The following TAF15 variants were observed in gnomAD, a reference collection of about 807,000 sequenced individuals.
TAF15 encodes TATA-binding protein-associated factor 2N.
In TAF15, 37 loss-of-function variants were observed where a neutral mutation model predicts 102.5. That is an observed-to-expected ratio of 0.36 (90% CI 0.28 to 0.47). TAF15 has a LOEUF of 0.47. Ranked by LOEUF, TAF15 falls within the 20% of genes least tolerant of loss-of-function variation. The pLI is 0.99. For missense variants in TAF15, 652 were observed against 760.7 expected, an observed-to-expected ratio of 0.86 and a Z score of 1.68; for synonymous variants, 273 against 259.2, an observed-to-expected ratio of 1.05 and a Z score of -0.51.
chr17:35,846,559 C>G (rs2087625118), intron 15 of TAF15, among the ~76,000 whole-genome samples: 1 of 152,150 alleles, frequency 6.6e-6, no homozygotes, highest in Non-Finnish European at 1.5e-5. Flanking sequence ...GTGGCAGATC[C>G]AGAATTCATA....
At chr17:35,809,687 G>C (rs2087101329) in intron 1 of TAF15, 111 bp downstream of exon 1, 7 of 1,492,958 alleles carry the variant, frequency 4.7e-6, no homozygotes, top group Non-Finnish European at 6.5e-6. Context: ...CCCTGAGGGA[G>C]GCTTGGGGTG....
intron 9 of TAF15, among the ~76,000 whole-genome samples, chr17:35,834,893 G>GCGC (rs904602343): frequency 6.6e-6 from 1 of 151,760 alleles, no homozygotes. Flanking sequence ...CTACAGGTGC[G>GCGC]CGCCACCATG....
chr17:35,845,075 C>G, intron 15 of TAF15, 37 bp downstream of exon 15: 1 of 1,611,518 alleles, frequency 6.2e-7, no homozygotes, highest in South Asian at 1.1e-5. Flanking sequence ...CTTTTTACCT[C>G]ACTGCACCTA....
At chr17:35,820,921 G>GT (rs1370457681) in intron 5 of TAF15, among the ~76,000 whole-genome samples, 1 of 151,998 alleles carries the variant, frequency 6.6e-6, no homozygotes, top group Admixed American at 6.5e-5. Flanking sequence ...GTTTTATAAA[G>GT]TTTTTTTACC....
chr17:35,815,594 A>G (rs1408908106), intron 1 of TAF15, among the ~76,000 whole-genome samples: 1 of 152,218 alleles, frequency 6.6e-6, no homozygotes, highest in Non-Finnish European at 1.5e-5. Context: ...GAACCTAAAG[A>G]AAATATGCTG....
At position 35,822,577 on chromosome 17, in the gene TAF15, C is replaced by A. The variant is rs1044168062; in HGVS notation, c.291-63C>A. On this transcript the variant is annotated intron_variant, in intron 5 of 15. Coordinates refer to ENST00000605844, the MANE Select transcript of TAF15 (RefSeq NM_139215.3). The stretch of plus-strand genomic sequence containing the variant: ...TCAGGACTCTTAACATCAGTTTCAG[C>A]CAACTTGCTACAGCAAATGTAATCT... 17 of 1,523,676 alleles carry A rather than the reference C, an allele frequency of 1.1e-5. No homozygotes were observed. The African/African-American group carries it at 1.9e-4, about 17-fold the overall frequency. 94.4% of individuals were successfully genotyped at this position (1,523,676 alleles called of 1,614,324 possible). A position where few individuals can be genotyped will look rare whatever the true frequency, so the allele number is the denominator to read the frequency against.
At chr17:35,809,744 C>T (rs1385827105) in intron 1 of TAF15, 168 bp downstream of exon 1, 3 of 826,922 alleles carry the variant, frequency 3.6e-6, no homozygotes, top group Non-Finnish European at 5.8e-6. Flanking sequence ...GGCACGCACG[C>T]TCCCAATGGC....
chr17:35,820,376 T>C lies in TAF15; in HGVS notation c.229T>C (p.Ser77Pro). The C allele has an allele frequency of 6.2e-7, 1 of 1,613,982 alleles. No individual in the cohort carries two copies. Among genetic ancestry groups the C allele is most frequent in the Non-Finnish European group, 8.5e-7 (1 of 1,179,938 alleles). ...YGGYENQKQS[S>P]YSQQPYNNQG... is the part of the protein sequence containing the mutation. ...TGGTTATGAGAATCAAAAGCAGAGC[T>C]CATATAGCCAGCAACCATATAATAA... The change falls in exon 5 of 16, where the codon TCA becomes CCA. Residue 77 changes from serine to proline, a missense_variant. Physicochemically the swap from Ser to Pro is moderately conservative, Grantham distance 74 (BLOSUM62 -1). Coordinates refer to ENST00000605844, the MANE Select transcript of TAF15 (RefSeq NM_139215.3).
At chr17:35,844,016 C>A in intron 12 of TAF15, 61 bp from the exon 13 acceptor site, 1 of 1,432,784 alleles carries the variant, frequency 7.0e-7, no homozygotes, top group Non-Finnish European at 9.8e-7. Flanking sequence ...TTATCTGATG[C>A]TTTTCTTCTG....
At chr17:35,809,711 TGCC>T in intron 1 of TAF15, 135 bp downstream of exon 1, 3 of 1,221,784 alleles carry the variant, frequency 2.5e-6, no homozygotes, top group Non-Finnish European at 2.3e-6. Flanking sequence ...GGGCGGCCGC[TGCC>T]GCCGCCATGT....
At chr17:35,834,416 T>G (rs2087445081) in intron 8 of TAF15, 150 bp from the exon 9 acceptor site, 5 of 690,028 alleles carry the variant, frequency 7.2e-6, no homozygotes, top group Non-Finnish European at 1.2e-5. Context: ...AAAACATAAT[T>G]TATATATTTA....
At chr17:35,839,523 A>G (rs2087517504) in intron 11 of TAF15, among the ~76,000 whole-genome samples, 1 of 151,646 alleles carries the variant, frequency 6.6e-6, no homozygotes, top group East Asian at 1.9e-4. Context: ...CTGGGACTAC[A>G]GGCGCCCGCC....
intron 10 of TAF15, among the ~76,000 whole-genome samples, chr17:35,837,307 A>C (rs2143811447): frequency 6.6e-6 from 1 of 150,618 alleles, no homozygotes; most frequent in East Asian, 2.0e-4. Context: ...GCATGTCCTC[A>C]CACCCAGCTA....
intron 7 of TAF15, among the ~76,000 whole-genome samples, chr17:35,826,195 T>C (rs757574350): frequency 5.9e-5 from 9 of 152,214 alleles, no homozygotes; most frequent in Non-Finnish European, 1.3e-4. Flanking sequence ...TACAAAATCA[T>C]ATGCAGAAGT....
intron 15 of TAF15, among the ~76,000 whole-genome samples, chr17:35,846,053 G>A (rs549566179): frequency 5.3e-5 from 8 of 152,206 alleles, no homozygotes; most frequent in Non-Finnish European, 8.8e-5. Flanking sequence ...CACGAATGGT[G>A]TAGAGGCAGA....
At position 35,822,532 on chromosome 17, in the gene TAF15, T is replaced by TG; in HGVS notation, c.291-106dup. 3.1e-6 allele frequency: 3 copies of TG among 981,230 alleles called. No individual in the cohort carries two copies. In the South Asian group the frequency reaches 4.4e-5, roughly 14 times the overall value. 60.8% of individuals were successfully genotyped at this position (981,230 alleles called of 1,614,324 possible). ...TACCATGAGAAGGTAGTCATAAATA[T>TG]GGTTAATGTCTCTAACTGGTCAGGA... On this transcript the variant is annotated intron_variant, in intron 5 of 15. Coordinates refer to ENST00000605844, the MANE Select transcript of TAF15 (RefSeq NM_139215.3).
intron 6 of TAF15, 23 bp from the exon 7 acceptor site, chr17:35,824,055 G>T: frequency 6.2e-7 from 1 of 1,614,012 alleles, no homozygotes; most frequent in Non-Finnish European, 8.5e-7. Context: ...GGTTATTTGT[G>T]TGTAATATTT....
intron 1 of TAF15, 133 bp from the exon 2 acceptor site, chr17:35,817,583 T>G: frequency 1.3e-6 from 1 of 770,006 alleles, no homozygotes; most frequent in Non-Finnish European, 2.2e-6. Context: ...TTTCATAGTA[T>G]TTAACTTGAG....
chr17:35,827,335 C>CAA (rs745381454), intron 7 of TAF15, among the ~76,000 whole-genome samples: 14 of 67,092 alleles, frequency 2.1e-4, no homozygotes, highest in Admixed American at 6.6e-4. Flanking sequence ...GACTCCGTCG[C>CAA]AAAAAAAAAA....
Sources: allele counts gnomAD v4.1 joint callset (sites outside exome capture counted in the v4.1 genomes callset), GRCh38; gene constraint gnomAD v4.1.1; transcripts MANE v1.5; gene names NCBI Gene and HGNC (gene_info 2026-07-23, HGNC 2026-07-21).